Variants in LNX2 observed in about 807,000 individuals in gnomAD.
The protein encoded by LNX2 is ligand of numb-protein X 2.
In LNX2, 35 loss-of-function variants were observed where a neutral mutation model predicts 66.2. That is an observed-to-expected ratio of 0.53 (90% confidence interval 0.40 to 0.70). LNX2 has a LOEUF of 0.70. Ranked by LOEUF, LNX2 falls within the 30% of genes least tolerant of loss-of-function variation. LNX2 has a pLI of 0.00. For missense variants in LNX2, 791 were observed against 850.8 expected, an observed-to-expected ratio of 0.93 and a Z score of 0.87; for synonymous variants, 337 against 315.6, an observed-to-expected ratio of 1.07 and a Z score of -0.72.
At chr13:27,583,169 A>AGTGTGTGTGT (rs763165039) in intron 1 of LNX2, among the ~76,000 whole-genome samples, 3 of 44,126 alleles carry the variant, frequency 6.8e-5, no homozygotes, top group African/African-American at 1.2e-4. Context: ...TCAGAGCAGC[A>AGTGTGTGTGT]GTGTGTGTGT....
At chr13:27,579,809 G>C (rs749136720) in intron 2 of LNX2, among the ~76,000 whole-genome samples, 1 of 152,144 alleles carries the variant, frequency 6.6e-6, no homozygotes, top group Non-Finnish European at 1.5e-5. Flanking sequence ...GCCATAACTA[G>C]TCCTGACTCA....
chr13:27,613,690 C>T (rs1292473988), intron 1 of LNX2, among the ~76,000 whole-genome samples: 1 of 152,116 alleles, frequency 6.6e-6, no homozygotes, highest in East Asian at 1.9e-4. Context: ...ATCACTTGAA[C>T]CTGGGAGGTA....
At chr13:27,613,831 T>C (rs1384488196) in intron 1 of LNX2, among the ~76,000 whole-genome samples, 1 of 152,184 alleles carries the variant, frequency 6.6e-6, no homozygotes, top group Non-Finnish European at 1.5e-5. Context: ...TGCAAATGAT[T>C]AACTACTCGA....
intron 1 of LNX2, among the ~76,000 whole-genome samples, chr13:27,583,249 T>TGCGCGCGCGCGC (rs1566124848): frequency 2.1e-5 from 1 of 46,762 alleles, no homozygotes; most frequent in Non-Finnish European, 3.7e-5. Context: ...TGTGTGTGTG[T>TGCGCGCGCGCGC]GTGTGTGCGC....
At chr13:27,602,322 T>TA (rs1382573602) in intron 1 of LNX2, among the ~76,000 whole-genome samples, 1 of 152,152 alleles carries the variant, frequency 6.6e-6, no homozygotes, top group African/African-American at 2.4e-5. Context: ...CCTATTAAGA[T>TA]AGAGAACAGA....
intron 1 of LNX2, among the ~76,000 whole-genome samples, chr13:27,589,847 C>G (rs979373422): frequency 6.6e-6 from 1 of 152,200 alleles, no homozygotes; most frequent in Non-Finnish European, 1.5e-5. Flanking sequence ...GCCAATAAGA[C>G]CGCTGTGGAA....
chr13:27,619,129 T>C (rs1160497734), intron 1 of LNX2, among the ~76,000 whole-genome samples: 1 of 152,196 alleles, frequency 6.6e-6, no homozygotes, highest in Non-Finnish European at 1.5e-5. Context: ...AACACACAAG[T>C]GGGCCGAATT....
chr13:27,591,859 C>G (rs1488608161), intron 1 of LNX2, among the ~76,000 whole-genome samples: 1 of 152,190 alleles, frequency 6.6e-6, no homozygotes, highest in Non-Finnish European at 1.5e-5. Flanking sequence ...ACAGCATGAT[C>G]AAGGAAGAAC....
At chr13:27,570,958 T>A (rs984874072) in intron 2 of LNX2, among the ~76,000 whole-genome samples, 3 of 152,176 alleles carry the variant, frequency 2.0e-5, no homozygotes, top group African/African-American at 7.2e-5. Flanking sequence ...AAATAACTTT[T>A]AAAAGGAAAA....
chr13:27,586,076 A>G (rs1319765962), intron 1 of LNX2, among the ~76,000 whole-genome samples: 1 of 149,000 alleles, frequency 6.7e-6, no homozygotes, highest in Non-Finnish European at 1.5e-5. Flanking sequence ...GGCAGTACAT[A>G]TATCTATATC....
chr13:27,617,948 G>A (rs1955844834), intron 1 of LNX2, among the ~76,000 whole-genome samples: 1 of 152,238 alleles, frequency 6.6e-6, no homozygotes, highest in African/African-American at 2.4e-5. Context: ...CTTGGAATGT[G>A]CTAGGTACCC....
chr13:27,617,499 G>C (rs1454757555), intron 1 of LNX2, among the ~76,000 whole-genome samples: 2 of 152,178 alleles, frequency 1.3e-5, no homozygotes, highest in East Asian at 1.9e-4. Flanking sequence ...AGAAAGAAGA[G>C]GGGAAGAAGG....
chr13:27,578,470 T>C (rs1255822189), intron 2 of LNX2, among the ~76,000 whole-genome samples: 1 of 152,220 alleles, frequency 6.6e-6, no homozygotes, highest in East Asian at 1.9e-4. Context: ...ATGTTGGTTT[T>C]AGAACATGGC....
intron 1 of LNX2, among the ~76,000 whole-genome samples, chr13:27,595,611 C>A (rs568463957): frequency 1.3e-5 from 2 of 152,298 alleles, no homozygotes; most frequent in Admixed American, 1.3e-4. Flanking sequence ...AATTTCACTT[C>A]CTCATCACAA....
intron 1 of LNX2, among the ~76,000 whole-genome samples, chr13:27,615,295 T>C (rs1955814424): frequency 6.6e-6 from 1 of 152,140 alleles, no homozygotes; most frequent in Non-Finnish European, 1.5e-5. Context: ...TTATAAAAGA[T>C]ATTACAAAGG....
In LNX2 at chr13:27,564,634, T is replaced by C. The variant is rs1763699942; in HGVS notation, c.856-1853A>G. On this transcript the variant is annotated intron_variant, in intron 4 of 9. Coordinates refer to ENST00000316334, the MANE Select transcript of LNX2 (RefSeq NM_153371.4). The stretch of plus-strand genomic sequence containing the variant: ...AAGAGGCTATTTAATAACATTTGTA[T>C]ATGTAAATAAATATATATAAATGTG... 2.0e-5 allele frequency among the ~76,000 whole-genome samples: 3 copies of C among 152,160 alleles called. No individual in the cohort carries two copies. The South Asian group carries it at 6.2e-4, about 31-fold the overall frequency.
chr13:27,563,086 T>C (rs1057439031), intron 4 of LNX2, among the ~76,000 whole-genome samples: 1 of 152,224 alleles, frequency 6.6e-6, no homozygotes, highest in Non-Finnish European at 1.5e-5. Flanking sequence ...AGGCAAATTA[T>C]AGAACTTGTC....
chr13:27,563,773 T>C (rs1012643832), intron 4 of LNX2, among the ~76,000 whole-genome samples: 6 of 152,200 alleles, frequency 3.9e-5, no homozygotes, highest in Admixed American at 3.9e-4. Flanking sequence ...ACTTTCCTCT[T>C]CCTATTGACT....
At chr13:27,574,443 A>G (rs1361893562) in intron 2 of LNX2, among the ~76,000 whole-genome samples, 1 of 28,620 alleles carries the variant, frequency 3.5e-5, no homozygotes, top group Non-Finnish European at 7.3e-5. Context: ...AGAATTCACT[A>G]GTTCAACAGC....
Sources: allele counts gnomAD v4.1 joint callset (sites outside exome capture counted in the v4.1 genomes callset), GRCh38; gene constraint gnomAD v4.1.1; transcripts MANE v1.5; gene names NCBI Gene and HGNC (gene_info 2026-07-23, HGNC 2026-07-21).